The following DNAI7 variants were observed in gnomAD, a reference collection of about 807,000 sequenced individuals.
DNAI7 encodes cancer susceptibility 1.
Under a neutral mutation model 86.6 loss-of-function variants are expected in DNAI7, and 78 were observed. The ratio of observed to expected loss-of-function variants is 0.90; its 90% CI spans 0.75 to 1.09. The LOEUF (loss-of-function observed/expected upper bound fraction) is 1.09. Ranked by LOEUF, DNAI7 falls within the 50% of genes least tolerant of loss-of-function variation. The pLI, the probability that DNAI7 is intolerant of heterozygous loss-of-function variation, is 0.00. For synonymous variants in DNAI7, 274 were observed against 273.0 expected (o/e 1.00, Z -0.04); for missense variants, 753 against 810.2 (o/e 0.93, Z 0.86).
At chr12:25,169,498 T>C (rs1947886384) in intron 2 of DNAI7, among the ~76,000 whole-genome samples, 1 of 152,204 alleles carries the variant, frequency 6.6e-6, no homozygotes, top group South Asian at 2.1e-4. Context: ...GGTGGTCTCT[T>C]CACACGGACG....
chr12:25,166,798 C>T (rs562025300), intron 2 of DNAI7, among the ~76,000 whole-genome samples: 8 of 152,246 alleles, frequency 5.3e-5, no homozygotes, highest in East Asian at 3.9e-4. Flanking sequence ...CAGCGGCTGC[C>T]GCTGCTTTAA....
At chr12:25,142,483 A>C (rs1944326487) in intron 9 of DNAI7, among the ~76,000 whole-genome samples, 1 of 151,128 alleles carries the variant, frequency 6.6e-6, no homozygotes, top group South Asian at 2.1e-4. Flanking sequence ...GTTCCCCAAA[A>C]ACCTTTTGAA....
intron 3 of DNAI7, 142 bp from the exon 4 acceptor site, chr12:25,158,705 A>G: frequency 6.7e-7 from 1 of 1,487,764 alleles, no homozygotes; most frequent in East Asian, 2.6e-5. Flanking sequence ...AGATATGAGA[A>G]AAGTGTCAGT....
chr12:25,163,907 G>A (rs1488452950), intron 2 of DNAI7, among the ~76,000 whole-genome samples: 1 of 152,146 alleles, frequency 6.6e-6, no homozygotes, highest in Admixed American at 6.5e-5. Context: ...TAGAGACAAA[G>A]GAGACGCGTT....
intron 2 of DNAI7, among the ~76,000 whole-genome samples, chr12:25,176,022 G>A (rs1204484260): frequency 6.6e-6 from 1 of 152,096 alleles, no homozygotes; most frequent in African/African-American, 2.4e-5. Flanking sequence ...GGAGATTGCA[G>A]GGAGCCGAGA....
chr12:25,151,229 A>G (rs940468755), intron 6 of DNAI7, among the ~76,000 whole-genome samples: 4 of 152,328 alleles, frequency 2.6e-5, no homozygotes, highest in East Asian at 3.9e-4. Flanking sequence ...CTCATTGGAA[A>G]AATGGGGTTT....
At chr12:25,134,322 C>A (rs1366448333) in intron 9 of DNAI7, among the ~76,000 whole-genome samples, 1 of 148,400 alleles carries the variant, frequency 6.7e-6, no homozygotes, top group Non-Finnish European at 1.5e-5. Context: ...GTGCATCTTG[C>A]CATTCATTAT....
At position 25,165,549 on chromosome 12, in the gene DNAI7, G is replaced by C. The variant is rs375228142; in HGVS notation, c.22-4352C>G. ...TCAACTGACCTGGCAGCCACTTTCA[G>C]AGCCCCTGGAACTCTGGCCCAAGGC... On this transcript the variant is annotated intron_variant, in intron 2 of 15. Coordinates refer to ENST00000395987, the MANE Select transcript of DNAI7 (RefSeq NM_018272.5). Among the ~76,000 whole-genome samples, 26 of 152,336 alleles carry C rather than the reference G, an allele frequency of 1.7e-4. No individual in the cohort carries two copies. In the East Asian group the frequency reaches 4.0e-3, roughly 24 times the overall value.
chr12:25,149,886 A>G (rs1227344865), intron 6 of DNAI7, 112 bp from the exon 7 acceptor site: 5 of 609,344 alleles, frequency 8.2e-6, no homozygotes, highest in Non-Finnish European at 1.4e-5. Flanking sequence ...AGCAAAACAT[A>G]TAGAAACCTT....
chr12:25,157,816 G>C (rs912688806), intron 4 of DNAI7, among the ~76,000 whole-genome samples: 1 of 146,876 alleles, frequency 6.8e-6, no homozygotes, highest in African/African-American at 2.5e-5. Flanking sequence ...AAAAAGGAGA[G>C]GTAGAATTTG....
intron 9 of DNAI7, among the ~76,000 whole-genome samples, chr12:25,134,472 T>G (rs1943311138): frequency 6.8e-6 from 1 of 147,432 alleles, no homozygotes; most frequent in Non-Finnish European, 1.5e-5. Context: ...TTCTCGTGCC[T>G]CAGCCTCCCG....
chr12:25,151,874 G>A (rs1945587369), intron 6 of DNAI7, among the ~76,000 whole-genome samples: 1 of 152,146 alleles, frequency 6.6e-6, no homozygotes, highest in Admixed American at 6.5e-5. Context: ...TGCATGGTAT[G>A]AGCTTAAAAG....
chr12:25,109,619 G>A (rs1949623758), intron 15 of DNAI7, among the ~76,000 whole-genome samples: 1 of 152,108 alleles, frequency 6.6e-6, no homozygotes, highest in African/African-American at 2.4e-5. Flanking sequence ...TTGAAGTCAA[G>A]AGCTTGGACA....
At position 25,108,423 on chromosome 12, in the gene DNAI7, AG is replaced by A; in HGVS notation, c.*124del. 7.3e-6 allele frequency: 6 copies of A among 818,234 alleles called. No individual in the cohort carries two copies. Among genetic ancestry groups the A allele is most frequent in the Non-Finnish European group, 1.1e-5 (6 of 559,678 alleles). The allele number at this position is 818,234 out of a possible 1,614,324, so 50.7% of individuals were successfully genotyped here. A position where few individuals can be genotyped will look rare whatever the true frequency, so the allele number is the denominator to read the frequency against. ...AAAATAAAACTTGAGTAGAAAATGC[AG>A]ATTAGAAAATTTTTAATAGTTGATT... On this transcript the variant is annotated 3_prime_UTR_variant, in exon 16 of 16. Coordinates refer to ENST00000395987, the MANE Select transcript of DNAI7 (RefSeq NM_018272.5).
At chr12:25,153,740 A>C (rs1945834658) in intron 6 of DNAI7, among the ~76,000 whole-genome samples, 1 of 152,180 alleles carries the variant, frequency 6.6e-6, no homozygotes, top group South Asian at 2.1e-4. Context: ...GGATTGTTTT[A>C]TGGCCTCTAA....
At chr12:25,132,967 T>C (rs578256611) in intron 9 of DNAI7, among the ~76,000 whole-genome samples, 3 of 152,326 alleles carry the variant, frequency 2.0e-5, no homozygotes, top group African/African-American at 7.2e-5. Context: ...TAATGAGGTT[T>C]ATGGGGCTAC....
At chr12:25,145,829 T>A (rs961212008) in intron 8 of DNAI7, among the ~76,000 whole-genome samples, 2 of 152,216 alleles carry the variant, frequency 1.3e-5, no homozygotes, top group Non-Finnish European at 2.9e-5. Flanking sequence ...CAAGCACTCA[T>A]GAATTTGCCA....
intron 3 of DNAI7, among the ~76,000 whole-genome samples, chr12:25,160,642 C>G (rs1018500983): frequency 5.3e-5 from 8 of 152,168 alleles, no homozygotes; most frequent in African/African-American, 1.9e-4. Flanking sequence ...GGATAAGAAC[C>G]CCTTCCCCTC....
At chr12:25,180,433 A>C (rs1371414454) in intron 2 of DNAI7, among the ~76,000 whole-genome samples, 2 of 152,180 alleles carry the variant, frequency 1.3e-5, no homozygotes, top group Non-Finnish European at 2.9e-5. Context: ...AACTAGAAAA[A>C]ACAATTCTAA....
Sources: allele counts gnomAD v4.1 joint callset (sites outside exome capture counted in the v4.1 genomes callset), GRCh38; gene constraint gnomAD v4.1.1; transcripts MANE v1.5; gene names NCBI Gene and HGNC (gene_info 2026-07-23, HGNC 2026-07-21).